Variants in KHDRBS2 observed in about 807,000 individuals in gnomAD.
KHDRBS2 encodes the protein KH RNA binding domain containing, signal transduction associated 2.
In KHDRBS2, 26 loss-of-function variants were observed where a neutral mutation model predicts 44.3. The ratio of observed to expected loss-of-function variants is 0.59; its 90% CI spans 0.43 to 0.81. KHDRBS2 has a LOEUF of 0.81. Among genes scored for constraint, KHDRBS2 ranks in the 40% least tolerant of loss-of-function variants. The probability of loss-of-function intolerance (pLI) is 0.00; values close to 1 mark genes in which losing one functional copy is unlikely to be tolerated. For missense variants in KHDRBS2, 476 were observed against 433.1 expected, an observed-to-expected ratio of 1.10 and a Z score of -0.88; for synonymous variants, 194 against 151.1, an observed-to-expected ratio of 1.28 and a Z score of -2.08.
rs536122563 is a variant in KHDRBS2 at position 61,692,844 on chromosome 6, T to G, written c.952+4351A>C. 2.6e-5 allele frequency among the ~76,000 whole-genome samples: 4 copies of G among 152,148 alleles called. No individual in the cohort carries two copies. The East Asian group carries it at 7.8e-4, about 29-fold the overall frequency. On this transcript the variant is annotated intron_variant, in intron 8 of 8. Transcript: ENST00000281156. ...CACAGTTCTTCCTGCCAATGTGAGC[T>G]GCAGAGGAAGGTGCCTGGGACAACT... is the stretch of plus-strand genomic sequence containing the variant.
chr6:62,056,817 G>A (rs1790387988), intron 2 of KHDRBS2, among the ~76,000 whole-genome samples: 3 of 151,882 alleles, frequency 2.0e-5, no homozygotes, highest in South Asian at 4.1e-4. Context: ...ACACAATCCC[G>A]GCTGAGGACA....
intron 1 of KHDRBS2, among the ~76,000 whole-genome samples, chr6:62,278,506 G>T (rs954997903): frequency 1.3e-5 from 2 of 152,110 alleles, no homozygotes; most frequent in Non-Finnish European, 2.9e-5. Flanking sequence ...ATTTATCGTG[G>T]TCATGCTCAT....
intron 1 of KHDRBS2, among the ~76,000 whole-genome samples, chr6:62,244,193 T>C (rs552543800): frequency 6.6e-6 from 1 of 152,264 alleles, no homozygotes; most frequent in South Asian, 2.1e-4. Context: ...TTTGCTTTGT[T>C]TGCTTTATCA....
intron 8 of KHDRBS2, among the ~76,000 whole-genome samples, chr6:61,691,004 G>A (rs1358792591): frequency 3.9e-5 from 6 of 151,978 alleles, no homozygotes; most frequent in East Asian, 1.9e-4. Context: ...CACCTATGAA[G>A]CTTTTAGATA....
At chr6:62,112,086 C>T (rs1405060230) in intron 2 of KHDRBS2, among the ~76,000 whole-genome samples, 1 of 152,054 alleles carries the variant, frequency 6.6e-6, no homozygotes, top group African/African-American at 2.4e-5. Context: ...GACCATAGTT[C>T]ATACTTCTAA....
chr6:61,776,395 G>C (rs966803101), intron 6 of KHDRBS2, among the ~76,000 whole-genome samples: 2 of 152,052 alleles, frequency 1.3e-5, no homozygotes, highest in Non-Finnish European at 2.9e-5. Flanking sequence ...CTACTCATCT[G>C]ACAAAGGGCT....
At chr6:61,990,585 A>G (rs1775942839) in intron 3 of KHDRBS2, among the ~76,000 whole-genome samples, 1 of 152,228 alleles carries the variant, frequency 6.6e-6, no homozygotes, top group Non-Finnish European at 1.5e-5. Flanking sequence ...CTTCTCATCT[A>G]TGAAAATTTG....
the KHDRBS2 span, among the ~76,000 whole-genome samples, chr6:61,664,392 C>T: frequency 6.6e-6 from 1 of 151,584 alleles, no homozygotes; most frequent in African/African-American, 2.4e-5. Context: ...GTTAACAATA[C>T]CCCTTATTGT....
At chr6:61,784,470 A>C (rs1192063) in intron 6 of KHDRBS2, among the ~76,000 whole-genome samples, 98,071 of 151,706 alleles carry the variant, frequency 0.65, 32,516 homozygotes, top group African/African-American at 0.8. Flanking sequence ...AGAGTGCTTT[A>C]TTTCAGAATA....
the KHDRBS2 span, among the ~76,000 whole-genome samples, chr6:61,670,482 C>A: frequency 6.6e-6 from 1 of 151,064 alleles, no homozygotes; most frequent in Admixed American, 6.6e-5. Context: ...ACTCATAAAC[C>A]CCTAACAAGA....
intron 6 of KHDRBS2, among the ~76,000 whole-genome samples, chr6:61,871,130 C>T (rs1380370416): frequency 6.6e-6 from 1 of 152,090 alleles, no homozygotes; most frequent in Non-Finnish European, 1.5e-5. Flanking sequence ...AGATGACTTG[C>T]TAACTAGAAT....
intron 6 of KHDRBS2, among the ~76,000 whole-genome samples, chr6:61,840,022 T>A (rs955759494): frequency 7.2e-5 from 11 of 152,064 alleles, no homozygotes; most frequent in South Asian, 2.1e-4. Context: ...TCTATTCAGT[T>A]TTTTGTTACC....
At chr6:62,019,738 T>A (rs574221496) in intron 3 of KHDRBS2, among the ~76,000 whole-genome samples, 4 of 152,176 alleles carry the variant, frequency 2.6e-5, no homozygotes, top group African/African-American at 7.2e-5. Context: ...GCTCATAATT[T>A]TACTTGCTTT....
intron 3 of KHDRBS2, among the ~76,000 whole-genome samples, chr6:62,006,321 T>C (rs1488005447): frequency 2.0e-5 from 3 of 151,994 alleles, no homozygotes; most frequent in Non-Finnish European, 1.5e-5. Context: ...TAAAGTTATA[T>C]ATGCAAAAAT....
At chr6:61,771,956 A>T (rs1239185345) in intron 6 of KHDRBS2, among the ~76,000 whole-genome samples, 1 of 152,202 alleles carries the variant, frequency 6.6e-6, no homozygotes, top group East Asian at 1.9e-4. Context: ...TCTTCAGCAA[A>T]TGTAAAAGAA....
chr6:62,163,296 AC>A (rs1818020438), intron 2 of KHDRBS2, among the ~76,000 whole-genome samples: 1 of 152,040 alleles, frequency 6.6e-6, no homozygotes, highest in Non-Finnish European at 1.5e-5. Context: ...CAAAACCAGC[AC>A]CAGTGGAAAC....
At chr6:61,748,136 C>A (rs556785792) in intron 6 of KHDRBS2, among the ~76,000 whole-genome samples, 25 of 152,048 alleles carry the variant, frequency 1.6e-4, no homozygotes, top group Non-Finnish European at 2.8e-4. Context: ...ATTACAGGCA[C>A]CTGCCACCAT....
the KHDRBS2 span, among the ~76,000 whole-genome samples, chr6:61,616,758 A>G: frequency 6.6e-6 from 1 of 152,126 alleles, no homozygotes; most frequent in Non-Finnish European, 1.5e-5. Context: ...AGTGGCTTGC[A>G]AAGTCCATTT....
intron 6 of KHDRBS2, among the ~76,000 whole-genome samples, chr6:61,887,249 G>A (rs1344093231): frequency 6.6e-6 from 1 of 152,114 alleles, no homozygotes; most frequent in Non-Finnish European, 1.5e-5. Context: ...CTGGAACCTA[G>A]GAGGTATTCA....
Sources: allele counts gnomAD v4.1 joint callset (sites outside exome capture counted in the v4.1 genomes callset), GRCh38; gene constraint gnomAD v4.1.1; transcripts MANE v1.5; gene names NCBI Gene and HGNC (gene_info 2026-07-23, HGNC 2026-07-21).